The following SLC6A15 variants were observed in gnomAD, a reference collection of about 807,000 sequenced individuals.
SLC6A15 encodes sodium-dependent neutral amino acid transporter B(0)AT2.
A neutral mutation model predicts 68.5 loss-of-function variants in SLC6A15; 33 were observed. That is an observed-to-expected ratio of 0.48 (90% confidence interval 0.37 to 0.64). The LOEUF (loss-of-function observed/expected upper bound fraction) is 0.64. SLC6A15 is among the 30% of genes least tolerant of loss of function. SLC6A15 has a pLI of 0.00. For missense variants in SLC6A15, 747 were observed against 874.3 expected, an observed-to-expected ratio of 0.85 and a Z score of 1.84; for synonymous variants, 347 against 301.0, an observed-to-expected ratio of 1.15 and a Z score of -1.58.
intron 5 of SLC6A15, chr12:84,882,947 T>C (rs1871892749): frequency 1.2e-6 from 1 of 838,468 alleles, no homozygotes; most frequent in Non-Finnish European, 1.4e-6. Context: ...ACTTCTACTA[T>C]TGCTGCTGCT....
intron 8 of SLC6A15, among the ~76,000 whole-genome samples, chr12:84,871,658 G>T (rs1379615136): frequency 6.6e-6 from 1 of 151,614 alleles, no homozygotes; most frequent in Non-Finnish European, 1.5e-5. Context: ...TATTAATGAT[G>T]GCTTTACTTT....
chr12:84,877,222 T>C (rs1428323478), intron 5 of SLC6A15, among the ~76,000 whole-genome samples: 1 of 152,170 alleles, frequency 6.6e-6, no homozygotes, highest in African/African-American at 2.4e-5. Flanking sequence ...AATAGGTCTC[T>C]AAAATATTTC....
intron 5 of SLC6A15, chr12:84,881,802 C>T (rs1363943306): frequency 2.8e-5 from 27 of 964,424 alleles, no homozygotes; most frequent in Non-Finnish European, 3.2e-5. Context: ...ACCTTTAATT[C>T]CTCATAAAGT....
At chr12:84,864,203 C>A (rs1870972462) in intron 10 of SLC6A15, among the ~76,000 whole-genome samples, 1 of 151,392 alleles carries the variant, frequency 6.6e-6, no homozygotes, top group African/African-American at 2.4e-5. Context: ...ATCAAATATA[C>A]CTAATCAATG....
chr12:84,871,082 A>T (rs1282293846), intron 8 of SLC6A15, among the ~76,000 whole-genome samples: 1 of 151,666 alleles, frequency 6.6e-6, no homozygotes. Flanking sequence ...ATATATAAAG[A>T]TTTTAAAAAT....
At chr12:84,869,068 A>G (rs774116402) in intron 9 of SLC6A15, among the ~76,000 whole-genome samples, 2 of 152,238 alleles carry the variant, frequency 1.3e-5, no homozygotes, top group Non-Finnish European at 2.9e-5. Flanking sequence ...ACACACATGC[A>G]CATGCACAAA....
At chr12:84,872,061 C>A (rs945765052) in intron 8 of SLC6A15, among the ~76,000 whole-genome samples, 1 of 151,590 alleles carries the variant, frequency 6.6e-6, no homozygotes, top group Non-Finnish European at 1.5e-5. Context: ...GGGAGGCTGA[C>A]CAGGAGAATT....
intron 5 of SLC6A15, among the ~76,000 whole-genome samples, chr12:84,877,940 ACT>A (rs1041231548): frequency 6.6e-6 from 1 of 152,168 alleles, no homozygotes; most frequent in African/African-American, 2.4e-5. Context: ...TGACATAGTA[ACT>A]CTATCATATG....
At chr12:84,877,085 G>A (rs12306612) in intron 5 of SLC6A15, among the ~76,000 whole-genome samples, 2,968 of 152,120 alleles carry the variant, frequency 0.02, 105 homozygotes, top group African/African-American at 0.066. Context: ...ACAATCAAAC[G>A]TGTAAAGATT....
chr12:84,889,256 C>T (rs1029881303), intron 2 of SLC6A15, among the ~76,000 whole-genome samples: 2 of 151,440 alleles, frequency 1.3e-5, no homozygotes, highest in Non-Finnish European at 1.5e-5. Flanking sequence ...TTTGGGAGGC[C>T]GAGGCAGACG....
intron 1 of SLC6A15, among the ~76,000 whole-genome samples, chr12:84,894,003 T>A (rs1405477439): frequency 6.6e-6 from 1 of 152,134 alleles, no homozygotes; most frequent in African/African-American, 2.4e-5. Context: ...ACACTTGATC[T>A]TAGCAAAAAG....
At chr12:84,906,046 A>G (rs1038068294) in intron 1 of SLC6A15, among the ~76,000 whole-genome samples, 2 of 152,190 alleles carry the variant, frequency 1.3e-5, no homozygotes, top group Non-Finnish European at 2.9e-5. Context: ...TGTCTATATT[A>G]TAAATTCTAA....
Position 84,892,294 on chromosome 12 carries a change from G to A in SLC6A15, c.-174C>T, listed in dbSNP as rs1872444817. On this transcript the variant is annotated 5_prime_UTR_variant, in exon 2 of 12. Coordinates refer to ENST00000266682, the MANE Select transcript of SLC6A15 (RefSeq NM_182767.6). ...TATGGATTCTGAATCCGTATGTCCA[G>A]TATTCTGTAGGTACCTGTAAAATTA... is the stretch of plus-strand genomic sequence containing the variant. 1 of 540,942 alleles carries A rather than the reference G, an allele frequency of 1.8e-6. No individual in the cohort carries two copies. The highest frequency in any genetic ancestry group is 3.3e-5 in the South Asian group (1 of 30,174). 33.5% of individuals were successfully genotyped at this position (540,942 alleles called of 1,614,324 possible). A position where few individuals can be genotyped will look rare whatever the true frequency, so the allele number is the denominator to read the frequency against.
chr12:84,888,650 A>T (rs182761376), intron 2 of SLC6A15, among the ~76,000 whole-genome samples: 16 of 152,246 alleles, frequency 1.1e-4, no homozygotes, highest in African/African-American at 3.8e-4. Flanking sequence ...AAAAAACTAC[A>T]TATTATGTAC....
Position 84,883,412 on chromosome 12 carries a change from A to G in SLC6A15, c.756+447T>C, listed in dbSNP as rs989918400. 3 of 1,039,740 alleles carry G rather than the reference A, an allele frequency of 2.9e-6. No homozygotes were observed. In the African/African-American group the frequency reaches 5.1e-5, roughly 18 times the overall value. 64.4% of individuals were successfully genotyped at this position (1,039,740 alleles called of 1,614,324 possible). ...GAAACACTTCACATTACATTATTTC[A>G]AAATGTCTTATGCAGCTATTCCTTA... On this transcript the variant is annotated intron_variant, in intron 5 of 11. Transcript: ENST00000266682.
intron 5 of SLC6A15, chr12:84,882,999 A>G: frequency 1.0e-6 from 1 of 984,356 alleles, no homozygotes; most frequent in Non-Finnish European, 1.2e-6. Context: ...TATGATGATG[A>G]GTGGTAATAA....
At chr12:84,907,114 C>T (rs1048747622) in intron 1 of SLC6A15, among the ~76,000 whole-genome samples, 1 of 152,018 alleles carries the variant, frequency 6.6e-6, no homozygotes, top group Non-Finnish European at 1.5e-5. Context: ...CTTTGGGAGG[C>T]CCAGACGGGT....
chr12:84,864,064 T>G, intron 10 of SLC6A15, among the ~76,000 whole-genome samples: 1 of 151,078 alleles, frequency 6.6e-6, no homozygotes, highest in Non-Finnish European at 1.5e-5. Flanking sequence ...TAATAATTAC[T>G]TATTAGTAAA....
At chr12:84,897,269 A>G (rs968458582) in intron 1 of SLC6A15, among the ~76,000 whole-genome samples, 2 of 152,018 alleles carry the variant, frequency 1.3e-5, no homozygotes, top group Non-Finnish European at 2.9e-5. Context: ...CACTACTGAA[A>G]CTATATCTGA....
Sources: allele counts gnomAD v4.1 joint callset (sites outside exome capture counted in the v4.1 genomes callset), GRCh38; gene constraint gnomAD v4.1.1; transcripts MANE v1.5; gene names NCBI Gene and HGNC (gene_info 2026-07-23, HGNC 2026-07-21).